Variants in TC2N observed in about 807,000 individuals in gnomAD.
TC2N encodes tandem C2 domains, nuclear.
In TC2N, 51 loss-of-function variants were observed where a neutral mutation model predicts 61.9. The ratio of observed to expected loss-of-function variants is 0.82; its 90% confidence interval spans 0.66 to 1.04. The LOEUF is 1.04. Ranked by LOEUF, TC2N falls within the 50% of genes least tolerant of loss-of-function variation. TC2N has a pLI of 0.00. For synonymous variants in TC2N, 204 were observed against 192.6 expected (o/e 1.06, Z -0.49); for missense variants, 556 against 566.7 (o/e 0.98, Z 0.19).
At chr14:91,830,908 G>A (rs57029330) in intron 1 of TC2N, among the ~76,000 whole-genome samples, 3 of 152,082 alleles carry the variant, frequency 2.0e-5, no homozygotes, top group South Asian at 2.1e-4. Context: ...TGAGTTTTTC[G>A]CCCTTCTCGT....
Position 91,812,434 on chromosome 14 carries a change from T to C in TC2N, c.179A>G (p.Asp60Gly). Residue 60 changes from aspartate to glycine, a missense_variant, in exon 3 of 12, where the codon GAT becomes GGT. Coordinates refer to ENST00000435962, the MANE Select transcript of TC2N (RefSeq NM_001128596.3). The part of the protein sequence containing the change: ...SVKPQLGCTE[D>G]YLLSKLPSDG... ...AGATGGTAATTTGGAAAGCAAATAA[T>C]CCTCAGTACAGCCAAGCTGAGGCTT... 1 of 1,612,060 alleles carries C rather than the reference T, an allele frequency of 6.2e-7. No individual in the cohort carries two copies. Among genetic ancestry groups the C allele is most frequent in the Non-Finnish European group, 8.5e-7 (1 of 1,178,562 alleles).
At chr14:91,832,260 T>G (rs984778000) in intron 1 of TC2N, among the ~76,000 whole-genome samples, 2 of 151,804 alleles carry the variant, frequency 1.3e-5, no homozygotes, top group African/African-American at 2.4e-5. Context: ...CATGGCGGCA[T>G]GCACCTATAA....
At chr14:91,786,396 T>C (rs932627101) in intron 10 of TC2N, among the ~76,000 whole-genome samples, 1 of 152,202 alleles carries the variant, frequency 6.6e-6, no homozygotes, top group African/African-American at 2.4e-5. Context: ...CCTCACAAAA[T>C]TACTTTTTCC....
At chr14:91,851,318 C>G (rs900464170) in intron 1 of TC2N, among the ~76,000 whole-genome samples, 1 of 152,146 alleles carries the variant, frequency 6.6e-6, no homozygotes, top group African/African-American at 2.4e-5. Context: ...TTACGTTGGT[C>G]TTGGGCTGAA....
At chr14:91,864,044 G>C (rs959570863) in intron 1 of TC2N, among the ~76,000 whole-genome samples, 1 of 152,082 alleles carries the variant, frequency 6.6e-6, no homozygotes. Context: ...TCAGTCCTCA[G>C]AATTCAGTCC....
chr14:91,795,945 A>G (rs1885875966), intron 8 of TC2N, among the ~76,000 whole-genome samples: 1 of 152,060 alleles, frequency 6.6e-6, no homozygotes, highest in African/African-American at 2.4e-5. Flanking sequence ...TGAGCTTACA[A>G]ATTATGCAAG....
intron 8 of TC2N, among the ~76,000 whole-genome samples, chr14:91,793,960 C>T (rs1204044176): frequency 1.3e-5 from 2 of 152,020 alleles, no homozygotes; most frequent in African/African-American, 4.8e-5. Flanking sequence ...GTTGTGAATG[C>T]AAAGGAAAAA....
intron 1 of TC2N, among the ~76,000 whole-genome samples, chr14:91,865,431 G>A (rs1478765776): frequency 7.3e-6 from 1 of 136,844 alleles, no homozygotes; most frequent in Non-Finnish European, 1.5e-5. Flanking sequence ...TTCCAACAAA[G>A]ATATCAGCCA....
chr14:91,798,026 C>T, intron 7 of TC2N, 125 bp from the exon 8 acceptor site: 1 of 632,946 alleles, frequency 1.6e-6, no homozygotes, highest in Non-Finnish European at 2.7e-6. Flanking sequence ...ACTGAGACCT[C>T]ATGTTGCATC....
intron 3 of TC2N, among the ~76,000 whole-genome samples, chr14:91,811,373 T>C (rs1454657266): frequency 2.0e-5 from 3 of 152,046 alleles, no homozygotes; most frequent in Non-Finnish European, 4.4e-5. Context: ...TTTTTTTTAT[T>C]TTCCTGTATG....
At chr14:91,816,281 T>C (rs1376359654) in intron 1 of TC2N, among the ~76,000 whole-genome samples, 1 of 151,812 alleles carries the variant, frequency 6.6e-6, no homozygotes, top group African/African-American at 2.4e-5. Context: ...CAAAATACAC[T>C]GTCAAACTGA....
intron 1 of TC2N, among the ~76,000 whole-genome samples, chr14:91,836,703 C>T (rs1299477892): frequency 8.9e-6 from 1 of 111,756 alleles, no homozygotes; most frequent in Non-Finnish European, 2.0e-5. Context: ...GTACCTGAGC[C>T]GCGCTGCGCC....
chr14:91,839,644 A>G (rs1420772238), intron 1 of TC2N, among the ~76,000 whole-genome samples: 1 of 152,258 alleles, frequency 6.6e-6, no homozygotes, highest in African/African-American at 2.4e-5. Flanking sequence ...TGCTTGTGAA[A>G]TAATTTTACA....
chr14:91,848,571 T>G, intron 1 of TC2N, among the ~76,000 whole-genome samples: 1 of 152,204 alleles, frequency 6.6e-6, no homozygotes, highest in Non-Finnish European at 1.5e-5. Context: ...TATTCCAATT[T>G]CTCTCTGAAG....
At chr14:91,842,070 C>T (rs946863532) in intron 1 of TC2N, among the ~76,000 whole-genome samples, 1 of 151,614 alleles carries the variant, frequency 6.6e-6, no homozygotes, top group African/African-American at 2.4e-5. Flanking sequence ...CTGGTCCTCC[C>T]ATCCCAGCCT....
At chr14:91,846,420 G>C (rs1888272018) in intron 1 of TC2N, among the ~76,000 whole-genome samples, 1 of 152,048 alleles carries the variant, frequency 6.6e-6, no homozygotes, top group African/African-American at 2.4e-5. Flanking sequence ...ATCAAAACTA[G>C]AGAGAGATTA....
At chr14:91,813,225 TTCA>T (rs1321460259) in intron 2 of TC2N, among the ~76,000 whole-genome samples, 3 of 151,828 alleles carry the variant, frequency 2.0e-5, no homozygotes, top group Non-Finnish European at 3.0e-5. Context: ...AATGTGAGTC[TTCA>T]TAGTTATGAG....
At chr14:91,823,079 C>T (rs1484604342) in intron 1 of TC2N, among the ~76,000 whole-genome samples, 3 of 151,992 alleles carry the variant, frequency 2.0e-5, no homozygotes, top group African/African-American at 4.8e-5. Flanking sequence ...AACATGAAAA[C>T]ATCAAATTAT....
At chr14:91,812,848 A>G (rs889074682) in intron 2 of TC2N, among the ~76,000 whole-genome samples, 19 of 151,848 alleles carry the variant, frequency 1.3e-4, no homozygotes, top group Non-Finnish European at 8.8e-5. Context: ...TCAGTTATAT[A>G]GTGCTTTCAA....
Sources: gnomAD v4.1 joint callset for allele counts (sites outside exome capture counted in the v4.1 genomes callset) on GRCh38, gnomAD v4.1.1 for gene constraint, MANE v1.5 for transcripts, NCBI Gene and HGNC (gene_info 2026-07-23, HGNC 2026-07-21) for gene names.